CHIA: variants seen among roughly 807,000 people sequenced by gnomAD.
The protein encoded by CHIA is acidic mammalian chitinase.
CHIA carries 47 observed loss-of-function variants against 53.5 expected under a neutral mutation model. The observed-to-expected ratio is 0.88, with a 90% CI of 0.70 to 1.12. CHIA has a LOEUF of 1.12. Among genes scored for constraint, CHIA ranks in the 50% most tolerant of loss-of-function variants. The probability of loss-of-function intolerance (pLI) is 0.00; values close to 1 mark genes in which losing one functional copy is unlikely to be tolerated. For synonymous variants in CHIA, 268 were observed against 222.2 expected (o/e 1.21, Z -1.83); for missense variants, 652 against 592.2 (o/e 1.10, Z -1.05).
Position 111,310,477 on chromosome 1 carries a change from C to A in CHIA, c.10C>A (p.Leu4Ile). 3.1e-6 allele frequency: 5 copies of A among 1,614,176 alleles called. No homozygotes were observed. The highest frequency in any genetic ancestry group is 4.2e-6 in the Non-Finnish European group (5 of 1,180,018). The change falls in exon 2 of 12, where the codon CTT becomes ATT. Residue 4 changes from leucine to isoleucine, a missense_variant. Coordinates refer to ENST00000369740, the MANE Select transcript of CHIA (RefSeq NM_201653.4). MTK[L>I]ILLTGLVLIL... ...GGTGCTGACTGCAACCATGACAAAG[C>A]TTATTCTCCTCACAGGTGGGTTTGT...
chr1:111,311,150 A>G (rs905420633), intron 2 of CHIA, among the ~76,000 whole-genome samples: 2 of 152,224 alleles, frequency 1.3e-5, no homozygotes, highest in Non-Finnish European at 2.9e-5. Context: ...CTCAATTTAT[A>G]AAACAATCAG....
At chr1:111,320,132 C>A in intron 11 of CHIA, 81 bp from the exon 12 acceptor site, 2 of 1,334,834 alleles carry the variant, frequency 1.5e-6, no homozygotes, top group Non-Finnish European at 2.1e-6. Flanking sequence ...CACTTCCACT[C>A]CCACAGTTCT....
At chr1:111,298,787 G>A (rs6699184) in intron 1 of CHIA, among the ~76,000 whole-genome samples, 42,199 of 151,826 alleles carry the variant, frequency 0.28, 6,115 homozygotes, top group East Asian at 0.35. Context: ...CAAAAAATCA[G>A]TGAATCCAAG....
chr1:111,312,287 T>C lies in CHIA; in HGVS notation c.153T>C (p.Cys51=). Residue 51 remains cysteine (C), a synonymous_variant, in exon 4 of 12, where the codon TGT becomes TGC. Coordinates refer to ENST00000369740, the MANE Select transcript of CHIA (RefSeq NM_201653.4). ...CTGACAACATCGACCCCTGCCTCTG[T>C]ACCCACCTGATCTACGCCTTTGCTG... ...FMPDNIDPCL[C]THLIYAFAGR... The C allele has an allele frequency of 2.5e-6, 4 of 1,613,926 alleles. No individual in the cohort carries two copies. Among genetic ancestry groups the C allele is most frequent in the Non-Finnish European group, 3.4e-6 (4 of 1,179,902 alleles).
intron 9 of CHIA, among the ~76,000 whole-genome samples, 185 bp downstream of exon 9, chr1:111,318,863 T>C (rs1167070787): frequency 6.6e-6 from 1 of 152,208 alleles, no homozygotes; most frequent in Non-Finnish European, 1.5e-5. Context: ...ATGCATAATA[T>C]CCCTTCACAC....
intron 6 of CHIA, 79 bp from the exon 7 acceptor site, chr1:111,317,602 C>A: frequency 6.7e-7 from 1 of 1,498,078 alleles, no homozygotes; most frequent in Non-Finnish European, 9.3e-7. Context: ...AAGCATTATA[C>A]AGACATATGT....
rs750498281 is a variant in CHIA, at chr1:111,319,286, A to G, written c.1036-41A>G. 4 of 1,614,090 alleles carry G rather than the reference A, an allele frequency of 2.5e-6. No homozygotes were observed. The South Asian group carries it at 4.4e-5, about 18-fold the overall frequency. Reference sequence around the variant, plus strand: ...TGCTGAGGTCCCAGCCCTGAGTCCCAGGAAAGCAAGTGATTCCTGTTATCC... The same window carrying G: ...TGCTGAGGTCCCAGCCCTGAGTCCCGGGAAAGCAAGTGATTCCTGTTATCC... On this transcript the variant is annotated intron_variant, in intron 10 of 11. Transcript: ENST00000369740.
intron 1 of CHIA, among the ~76,000 whole-genome samples, chr1:111,299,597 T>A (rs1401301413): frequency 6.6e-6 from 1 of 152,040 alleles, no homozygotes; most frequent in Non-Finnish European, 1.5e-5. Context: ...CTCAAAATAA[T>A]AAGAACTATT....
chr1:111,312,959 A>G (rs541330793), intron 4 of CHIA, among the ~76,000 whole-genome samples: 2 of 152,284 alleles, frequency 1.3e-5, no homozygotes, highest in African/African-American at 4.8e-5. Context: ...AGGTTTATCC[A>G]TATTGCTGCA....
At chr1:111,299,524 C>G (rs1253553239) in intron 1 of CHIA, among the ~76,000 whole-genome samples, 3 of 152,064 alleles carry the variant, frequency 2.0e-5, no homozygotes, top group Non-Finnish European at 4.4e-5. Context: ...AAAGGCCTTC[C>G]ACAAAATTCA....
At position 111,312,209 on chromosome 1, in the gene CHIA, A is replaced by G. The variant is rs1289523833; in HGVS notation, c.75A>G (p.Thr25=). The part of the protein sequence containing the change: ...NLQLGSAYQL[T]CYFTNWAQYR... ...ACACAGGCTCTGCCTACCAGCTGAC[A>G]TGCTACTTCACCAACTGGGCCCAGT... The change falls in exon 4 of 12, where the codon ACA becomes ACG. Residue 25 remains threonine (T), a synonymous_variant. Transcript: ENST00000369740. 3.1e-6 allele frequency: 5 copies of G among 1,614,064 alleles called. No individual in the cohort carries two copies. In the East Asian group the frequency reaches 1.1e-4, roughly 36 times the overall value.
intron 1 of CHIA, among the ~76,000 whole-genome samples, chr1:111,307,364 T>C (rs569406959): frequency 1.1e-4 from 16 of 152,326 alleles, no homozygotes; most frequent in Non-Finnish European, 1.9e-4. Flanking sequence ...GCATATGGTA[T>C]TATTTCATTT....
intron 1 of CHIA, among the ~76,000 whole-genome samples, chr1:111,302,482 A>C (rs1647836274): frequency 1.3e-5 from 2 of 152,076 alleles, no homozygotes; most frequent in Admixed American, 1.3e-4. Context: ...AGTATTTTTA[A>C]ATTTCCCTTA....
chr1:111,293,234 T>C (rs528827543), intron 1 of CHIA, among the ~76,000 whole-genome samples: 97 of 152,348 alleles, frequency 6.4e-4, no homozygotes, highest in Non-Finnish European at 7.6e-4. Context: ...TCCACATCCT[T>C]GTTAACACTT....
At chr1:111,301,531 C>G (rs1209800498) in intron 1 of CHIA, among the ~76,000 whole-genome samples, 4 of 151,746 alleles carry the variant, frequency 2.6e-5, no homozygotes, top group Admixed American at 6.6e-5. Context: ...AACCCCGTCT[C>G]TACTTAAAAT....
rs114189282 is a variant in CHIA at position 111,319,588 on chromosome 1, G to A, written c.1177+120G>A. On this transcript the variant is annotated intron_variant, in intron 11 of 11. Coordinates refer to ENST00000369740, the MANE Select transcript of CHIA (RefSeq NM_201653.4). Reference sequence around the variant, plus strand: ...GATCCTCTTTCCACTTCACCTCACCGCTCTTGCCCAGATGAGAGACAGGTT... The same window carrying A: ...GATCCTCTTTCCACTTCACCTCACCACTCTTGCCCAGATGAGAGACAGGTT... The A allele has an allele frequency of 2.3e-3, 2,070 of 912,536 alleles. 26 individuals are homozygous for A. The highest frequency in any genetic ancestry group is 0.023 in the African/African-American group (1,348 of 59,656). The allele number at this position is 912,536 out of a possible 1,614,324, so 56.5% of individuals were successfully genotyped here. A position where few individuals can be genotyped will look rare whatever the true frequency, so the allele number is the denominator to read the frequency against.
Position 111,312,311 on chromosome 1 carries a change from T to C in CHIA, c.177T>C (p.Ala59=), listed in dbSNP as rs1648750804. 1.2e-6 allele frequency: 2 copies of C among 1,614,106 alleles called. No homozygotes were observed. The highest frequency in any genetic ancestry group is 1.7e-6 in the Non-Finnish European group (2 of 1,179,980). The change falls in exon 4 of 12, where the codon GCT becomes GCC. Residue 59 remains alanine, a synonymous_variant. Coordinates refer to ENST00000369740, the MANE Select transcript of CHIA (RefSeq NM_201653.4). ...CLCTHLIYAF[A]GRQNNEITTI... ...GTACCCACCTGATCTACGCCTTTGCTGGGAGGCAGAACAACGAGATCACCA... is the reference window on the plus strand; with the variant it reads ...GTACCCACCTGATCTACGCCTTTGCCGGGAGGCAGAACAACGAGATCACCA...
At chr1:111,298,773 C>T (rs1647434593) in intron 1 of CHIA, among the ~76,000 whole-genome samples, 1 of 152,004 alleles carries the variant, frequency 6.6e-6, no homozygotes, top group Non-Finnish European at 1.5e-5. Flanking sequence ...CACAAAAAAC[C>T]CCTCAAAAAA....
At chr1:111,317,871 G>T in intron 7 of CHIA, 66 bp downstream of exon 7, 1 of 1,611,012 alleles carries the variant, frequency 6.2e-7, no homozygotes, top group African/African-American at 1.3e-5. Flanking sequence ...CTTGTCCTTG[G>T]TCTGGCTTGC....
Sources: gnomAD v4.1 joint callset for allele counts (sites outside exome capture counted in the v4.1 genomes callset) on GRCh38, gnomAD v4.1.1 for gene constraint, MANE v1.5 for transcripts, NCBI Gene and HGNC (gene_info 2026-07-23, HGNC 2026-07-21) for gene names.